Variants in IZUMO2 observed in about 807,000 individuals in gnomAD.
IZUMO2 encodes the protein IZUMO family member 2.
A neutral mutation model predicts 31.2 loss-of-function variants in IZUMO2; 24 were observed. That is an observed-to-expected ratio of 0.77 (90% CI 0.56 to 1.08). The LOEUF is 1.08. Ranked by LOEUF, IZUMO2 falls within the 50% of genes least tolerant of loss-of-function variation. The pLI is 0.00. For missense variants in IZUMO2, 278 were observed against 274.0 expected, an observed-to-expected ratio of 1.01 and a Z score of -0.10; for synonymous variants, 144 against 117.3, an observed-to-expected ratio of 1.23 and a Z score of -1.47.
chr19:50,154,844 T>G (rs2030163521), intron 5 of IZUMO2, 118 bp from the exon 6 acceptor site: 1 of 1,112,038 alleles, frequency 9.0e-7, no homozygotes, highest in Middle Eastern at 3.0e-4. Context: ...GCGCTCTCTC[T>G]TCTTCTCTTC....
At chr19:50,162,020 C>T (rs1303891386) in intron 2 of IZUMO2, among the ~76,000 whole-genome samples, 3 of 152,178 alleles carry the variant, frequency 2.0e-5, no homozygotes, top group Admixed American at 6.5e-5. Flanking sequence ...TGGTGGCTTA[C>T]GCCTATAATC....
intron 5 of IZUMO2, among the ~76,000 whole-genome samples, chr19:50,157,412 C>T (rs1019637098): frequency 4.0e-5 from 6 of 151,094 alleles, no homozygotes; most frequent in African/African-American, 1.5e-4. Flanking sequence ...AAGCGATTCT[C>T]CTGCCCCAGC....
Position 50,154,581 on chromosome 19 carries a change from G to A in IZUMO2, c.623+19C>T, listed in dbSNP as rs2030148856. 6.2e-7 allele frequency: 1 copy of A among 1,613,430 alleles called. No homozygotes were observed. Among genetic ancestry groups the A allele is most frequent in the Non-Finnish European group, 8.5e-7 (1 of 1,179,668 alleles). On this transcript the variant is annotated intron_variant, in intron 6 of 6. Coordinates refer to ENST00000293405, the MANE Select transcript of IZUMO2 (RefSeq NM_152358.3). Reference sequence around the variant, plus strand: ...AGTGGGTTCCACGGGGGACTGAGGAGGGGGCAAGGATGACTCACGAGACCA... The same window carrying A: ...AGTGGGTTCCACGGGGGACTGAGGAAGGGGCAAGGATGACTCACGAGACCA...
intron 5 of IZUMO2, among the ~76,000 whole-genome samples, chr19:50,155,655 A>C (rs1037449438): frequency 6.6e-6 from 1 of 151,768 alleles, no homozygotes; most frequent in Non-Finnish European, 1.5e-5. Context: ...AGCAGGTCCA[A>C]CCCCAGCCCA....
chr19:50,157,746 C>A (rs2030261115), intron 5 of IZUMO2, among the ~76,000 whole-genome samples: 1 of 150,848 alleles, frequency 6.6e-6, no homozygotes, highest in Non-Finnish European at 1.5e-5. Context: ...ATGGTCAAAC[C>A]CCATCTCTAC....
intron 5 of IZUMO2, among the ~76,000 whole-genome samples, chr19:50,158,004 A>T (rs780768398): frequency 2.9e-4 from 44 of 152,224 alleles, no homozygotes; most frequent in Middle Eastern, 6.8e-3. Flanking sequence ...AGGTATAGCA[A>T]TGGCTAAGAA....
chr19:50,159,924 T>G (rs1480261238), intron 2 of IZUMO2: 4 of 163,396 alleles, frequency 2.4e-5, no homozygotes, highest in African/African-American at 9.6e-5. Flanking sequence ...CTCGGCTCAC[T>G]GCAACCTCGG....
At chr19:50,154,757 C>T in intron 5 of IZUMO2, 31 bp from the exon 6 acceptor site, 1 of 1,609,912 alleles carries the variant, frequency 6.2e-7, no homozygotes, top group Non-Finnish European at 8.5e-7. Context: ...GCCCCGACCT[C>T]CACGTCACCA....
intron 2 of IZUMO2, 46 bp from the exon 3 acceptor site, chr19:50,159,626 GC>G: frequency 8.5e-7 from 1 of 1,170,940 alleles, no homozygotes; most frequent in Non-Finnish European, 1.3e-6. Flanking sequence ...CACCCAGAAA[GC>G]CCACCCCACT....
rs964437521 is a variant in IZUMO2, at chr19:50,154,505, C to T, written c.623+95G>A. 62 of 1,271,366 alleles carry T rather than the reference C, an allele frequency of 4.9e-5. No individual in the cohort carries two copies. In the Admixed American group the frequency reaches 1.3e-3, roughly 26 times the overall value. The allele number at this position is 1,271,366 out of a possible 1,614,324, so 78.8% of individuals were successfully genotyped here. ...GACTAAAGTGACTGAAGAGGAGACT[C>T]CCAAAGTACACAGTGACCCATCCAG... On this transcript the variant is annotated intron_variant, in intron 6 of 6. Transcript: ENST00000293405.
intron 6 of IZUMO2, among the ~76,000 whole-genome samples, chr19:50,153,052 G>C (rs554628442): frequency 6.6e-6 from 1 of 152,130 alleles, no homozygotes; most frequent in African/African-American, 2.4e-5. Flanking sequence ...TTGGAAACAC[G>C]GTCTTTGCAG....
At chr19:50,159,770 G>T (rs530110966) in intron 2 of IZUMO2, among the ~76,000 whole-genome samples, 190 bp from the exon 3 acceptor site, 1 of 152,100 alleles carries the variant, frequency 6.6e-6, no homozygotes, top group African/African-American at 2.4e-5. Flanking sequence ...CTGATTCACC[G>T]TGGGGCCTAG....
Position 50,154,624 on chromosome 19 carries a change from A to G in IZUMO2, c.599T>C (p.Phe200Ser). 3 of 1,613,982 alleles carry G rather than the reference A, an allele frequency of 1.9e-6. No homozygotes were observed. The highest frequency in any genetic ancestry group is 2.5e-6 in the Non-Finnish European group (3 of 1,179,978). ...GILISVSLAV[F>S]VFVVIVVSAC... ...CGAGACCACGATGACCACGAAGACA[A>G]AGACAGCCAGAGACACAGAAATGAG... Residue 200 changes from phenylalanine (F) to serine (S), a missense_variant, in exon 6 of 7, where the codon TTT (phenylalanine) becomes TCT (serine). Coordinates refer to ENST00000293405, the MANE Select transcript of IZUMO2 (RefSeq NM_152358.3).
Position 50,162,745 on chromosome 19 carries a change from G to A in IZUMO2, c.301C>T (p.Leu101=), listed in dbSNP as rs2030442113. The A allele has an allele frequency of 1.2e-6, 2 of 1,613,496 alleles. No homozygotes were observed. The highest frequency in any genetic ancestry group is 1.7e-5 in the Admixed American group (1 of 59,996). Reference sequence around the variant, plus strand: ...GTTCCCTCGTCTCTCCTACCTTTCAGAGAGTTACCCATTAAGTGCTGCGTT... The same window carrying A: ...GTTCCCTCGTCTCTCCTACCTTTCAAAGAGTTACCCATTAAGTGCTGCGTT... ...NQTQHLMGNS[L]KDEPLLEELV... The change falls in exon 2 of 7, where the codon CTG becomes TTG. Residue 101 remains leucine (L), a synonymous_variant. Coordinates refer to ENST00000293405, the MANE Select transcript of IZUMO2 (RefSeq NM_152358.3).
intron 2 of IZUMO2, among the ~76,000 whole-genome samples, chr19:50,161,119 CCTTTTT>C (rs1255037455): frequency 2.7e-5 from 4 of 148,700 alleles, no homozygotes; most frequent in African/African-American, 1.0e-4. Flanking sequence ...TTTTTCTTTT[CCTTTTT>C]CTTTTTTTTT....
At chr19:50,159,374 A>C in intron 3 of IZUMO2, 120 bp downstream of exon 3, 1 of 1,263,230 alleles carries the variant, frequency 7.9e-7, no homozygotes, top group East Asian at 2.4e-5. Context: ...GATTGGGGAG[A>C]GATGAAGAAG....
chr19:50,163,260 C>T lies in IZUMO2; in HGVS notation c.-66G>A. 8.4e-7 allele frequency: 1 copy of T among 1,184,962 alleles called. No homozygotes were observed. Among genetic ancestry groups the T allele is most frequent in the Non-Finnish European group, 1.2e-6 (1 of 828,500 alleles). The allele number at this position is 1,184,962 out of a possible 1,614,324, so 73.4% of individuals were successfully genotyped here. On this transcript the variant is annotated 5_prime_UTR_variant, in exon 1 of 7. Coordinates refer to ENST00000293405, the MANE Select transcript of IZUMO2 (RefSeq NM_152358.3). ...CCCGCCTCCCAGGCGAGGGCGCGGT[C>T]AGGAGGCCCAGGGAGCATCACGGTG...
In IZUMO2 at chr19:50,152,548, T is replaced by C; in HGVS notation, c.*61A>G. ...CCCAGGAAATGGACAGAGACATTGA[T>C]GGATTTGTCACCAATTTTATTAAAT... On this transcript the variant is annotated 3_prime_UTR_variant, in exon 7 of 7. Coordinates refer to ENST00000293405, the MANE Select transcript of IZUMO2 (RefSeq NM_152358.3). 7.0e-7 allele frequency: 1 copy of C among 1,429,074 alleles called. No homozygotes were observed. The allele number at this position is 1,429,074 out of a possible 1,614,324, so 88.5% of individuals were successfully genotyped here.
intron 6 of IZUMO2, among the ~76,000 whole-genome samples, chr19:50,154,269 T>G (rs1568436733): frequency 8.8e-6 from 1 of 113,154 alleles, no homozygotes; most frequent in East Asian, 2.3e-4. Context: ...TTAGCGTTTT[T>G]TTTTTTTTTT....
Sources: allele counts gnomAD v4.1 joint callset (sites outside exome capture counted in the v4.1 genomes callset), GRCh38; gene constraint gnomAD v4.1.1; transcripts MANE v1.5; gene names NCBI Gene and HGNC (gene_info 2026-07-23, HGNC 2026-07-21).